Variants in STPG2 observed in about 807,000 individuals in gnomAD.
STPG2 encodes sperm tail PG-rich repeat containing 2.
A neutral mutation model predicts 54.2 loss-of-function variants in STPG2; 56 were observed. The observed-to-expected ratio is 1.03, with a 90% confidence interval of 0.83 to 1.29. The LOEUF (loss-of-function observed/expected upper bound fraction) is 1.29. STPG2 is among the 50% of genes most tolerant of loss of function. The probability of loss-of-function intolerance (pLI) is 0.00; values close to 1 mark genes in which losing one functional copy is unlikely to be tolerated. For missense variants in STPG2, 596 were observed against 544.9 expected (o/e 1.09, Z -0.93); for synonymous variants, 200 against 181.8 (o/e 1.10, Z -0.81).
At chr4:97,504,668 G>A (rs1730807685) in intron 4 of STPG2, among the ~76,000 whole-genome samples, 1 of 151,784 alleles carries the variant, frequency 6.6e-6, no homozygotes, top group Non-Finnish European at 1.5e-5. Flanking sequence ...TGAAACATAG[G>A]AAAACAACAA....
intron 10 of STPG2, among the ~76,000 whole-genome samples, chr4:97,585,435 A>G (rs1732972823): frequency 6.6e-6 from 1 of 151,946 alleles, no homozygotes; most frequent in African/African-American, 2.4e-5. Context: ...GAAAAATCTA[A>G]CCACAACAAG....
chr4:97,830,129 G>C (rs1728405442), intron 9 of STPG2, among the ~76,000 whole-genome samples: 1 of 152,144 alleles, frequency 6.6e-6, no homozygotes, highest in South Asian at 2.1e-4. Flanking sequence ...AGAGGGAAAA[G>C]TCGCATTATC....
intron 5 of STPG2, among the ~76,000 whole-genome samples, chr4:98,091,077 T>A (rs142969724): frequency 1.3e-5 from 2 of 151,778 alleles, no homozygotes; most frequent in East Asian, 1.9e-4. Context: ...AATCTAAGAG[T>A]CATCATCAAT....
chr4:97,764,830 C>T (rs994333102), intron 9 of STPG2, among the ~76,000 whole-genome samples: 2 of 151,980 alleles, frequency 1.3e-5, no homozygotes, highest in Admixed American at 1.3e-4. Context: ...GAGTCTCAGC[C>T]AGCAACAAAG....
intron 4 of STPG2, among the ~76,000 whole-genome samples, chr4:97,524,713 T>C (rs552183099): frequency 1.3e-5 from 2 of 152,116 alleles, no homozygotes; most frequent in South Asian, 2.1e-4. Context: ...AATTTCTTCC[T>C]AGTGTGGGTC....
intron 9 of STPG2, among the ~76,000 whole-genome samples, chr4:97,822,921 C>T (rs1728133296): frequency 6.6e-6 from 1 of 152,164 alleles, no homozygotes; most frequent in Non-Finnish European, 1.5e-5. Flanking sequence ...ACAACATTTC[C>T]TTAAACCAAA....
At chr4:97,903,984 G>A (rs1398453389) in intron 8 of STPG2, among the ~76,000 whole-genome samples, 2 of 152,324 alleles carry the variant, frequency 1.3e-5, no homozygotes, top group East Asian at 1.9e-4. Context: ...TAGCACAGCA[G>A]TCTGAGATCA....
chr4:98,099,740 A>G (rs1738970550), intron 5 of STPG2, among the ~76,000 whole-genome samples: 1 of 152,192 alleles, frequency 6.6e-6, no homozygotes, highest in Non-Finnish European at 1.5e-5. Flanking sequence ...CCCCATAAAA[A>G]TATATATACC....
At chr4:97,904,231 C>A (rs1471039165) in intron 8 of STPG2, among the ~76,000 whole-genome samples, 3 of 152,182 alleles carry the variant, frequency 2.0e-5, no homozygotes, top group Non-Finnish European at 4.4e-5. Flanking sequence ...CAGTGGTTCT[C>A]CCAGCACACA....
chr4:97,689,409 CTT>C (rs1723294990), intron 10 of STPG2, among the ~76,000 whole-genome samples: 1 of 151,982 alleles, frequency 6.6e-6, no homozygotes. Flanking sequence ...TTCTCTCTCT[CTT>C]ACTCTCTCTT....
intron 5 of STPG2, among the ~76,000 whole-genome samples, chr4:98,071,336 A>G (rs1737996342): frequency 6.6e-6 from 1 of 152,214 alleles, no homozygotes; most frequent in Non-Finnish European, 1.5e-5. Context: ...CCTATTTAAT[A>G]AATGGTGCTG....
chr4:97,642,451 T>G (rs2148946530), intron 10 of STPG2, among the ~76,000 whole-genome samples: 1 of 151,554 alleles, frequency 6.6e-6, no homozygotes, highest in Non-Finnish European at 1.5e-5. Flanking sequence ...AAAATGTACT[T>G]TGCCATGAAT....
At chr4:97,955,548 T>G (rs774211270) in intron 7 of STPG2, among the ~76,000 whole-genome samples, 4 of 152,100 alleles carry the variant, frequency 2.6e-5, no homozygotes, top group Non-Finnish European at 5.9e-5. Flanking sequence ...GTTCGAGGCA[T>G]GGTGAATAGT....
At chr4:97,788,358 A>C (rs1726890280) in intron 9 of STPG2, among the ~76,000 whole-genome samples, 1 of 152,090 alleles carries the variant, frequency 6.6e-6, no homozygotes, top group Admixed American at 6.6e-5. Context: ...ATTTCACTTA[A>C]CATAATGTTC....
intron 5 of STPG2, among the ~76,000 whole-genome samples, chr4:98,006,666 A>C (rs767404331): frequency 2.6e-5 from 4 of 152,186 alleles, no homozygotes; most frequent in Non-Finnish European, 5.9e-5. Flanking sequence ...CTACCACTTC[A>C]CAGGACAAGA....
At chr4:97,739,957 A>G (rs548699114) in intron 9 of STPG2, among the ~76,000 whole-genome samples, 1,892 of 152,184 alleles carry the variant, frequency 0.012, 34 homozygotes, top group African/African-American at 0.043. Flanking sequence ...TGATGCAAAA[A>G]TCCTCAATAA....
chr4:97,499,027 T>C (rs1041897263), intron 4 of STPG2, among the ~76,000 whole-genome samples: 3 of 152,014 alleles, frequency 2.0e-5, no homozygotes, highest in African/African-American at 7.2e-5. Context: ...TTCTCATCAA[T>C]ACTCTGTAGT....
chr4:97,800,134 C>A (rs1000785232), intron 9 of STPG2, among the ~76,000 whole-genome samples: 1 of 152,192 alleles, frequency 6.6e-6, no homozygotes, highest in African/African-American at 2.4e-5. Flanking sequence ...TGAACTTCCT[C>A]CTTTAGCTCG....
intron 8 of STPG2, among the ~76,000 whole-genome samples, chr4:97,846,451 C>G (rs1016798230): frequency 6.6e-6 from 1 of 151,642 alleles, no homozygotes; most frequent in Admixed American, 6.6e-5. Context: ...ATGGTGAAAC[C>G]CCATCTCTAC....
Sources: allele counts gnomAD v4.1 joint callset (sites outside exome capture counted in the v4.1 genomes callset), GRCh38; gene constraint gnomAD v4.1.1; transcripts MANE v1.5; gene names NCBI Gene and HGNC (gene_info 2026-07-23, HGNC 2026-07-21).